PLCB1: variants seen among roughly 807,000 people sequenced by gnomAD.
PLCB1 encodes the protein 1-phosphatidylinositol 4,5-bisphosphate phosphodiesterase beta-1.
PLCB1 carries 46 observed loss-of-function variants against 161.8 expected under a neutral mutation model. That is an observed-to-expected ratio of 0.28 (90% CI 0.22 to 0.36). The LOEUF (loss-of-function observed/expected upper bound fraction) is 0.36. Ranked by LOEUF, PLCB1 falls within the 10% of genes least tolerant of loss-of-function variation. PLCB1 has a pLI of 1.00. For synonymous variants in PLCB1, 517 were observed against 503.7 expected (o/e 1.03, Z -0.35); for missense variants, 1,016 against 1,472.5 (o/e 0.69, Z 5.07).
intron 2 of PLCB1, among the ~76,000 whole-genome samples, chr20:8,283,543 TTATAA>T (rs1330351311): frequency 2.7e-5 from 4 of 146,508 alleles, no homozygotes; most frequent in Non-Finnish European, 4.5e-5. Context: ...TATCATATAC[TTATAA>T]TAAATAAATA....
Position 8,722,358 on chromosome 20 carries a change from A to G in PLCB1, c.1518A>G (p.Glu506=). ...MFEPSSPGAG[E]ADTESDDDDD... Reference sequence around the variant, plus strand: ...TCTGTTATTAAAATTTGACAGGAGAAGCTGATACGGAAAGTGACGACGACG... The same window carrying G: ...TCTGTTATTAAAATTTGACAGGAGAGGCTGATACGGAAAGTGACGACGACG... Residue 506 remains glutamate, a synonymous_variant, in exon 15 of 32, where the codon GAA becomes GAG. Transcript: ENST00000338037. 1 of 1,610,826 alleles carries G rather than the reference A, an allele frequency of 6.2e-7. No homozygotes were observed. Among genetic ancestry groups the G allele is most frequent in the Non-Finnish European group, 8.5e-7 (1 of 1,178,420 alleles).
chr20:8,682,914 T>C (rs949849439), intron 9 of PLCB1, among the ~76,000 whole-genome samples: 2 of 152,120 alleles, frequency 1.3e-5, no homozygotes, highest in African/African-American at 4.8e-5. Context: ...ATTAAGTATT[T>C]ATACAAAGAT....
In PLCB1 at chr20:8,727,667, C is replaced by T. The variant is rs183025392; in HGVS notation, c.1763+274C>T. ...CTTTAGGCAATTTGCTTAATCCTGACTTTCCTTGTCTATAAAGCAGAAATA... is the reference window on the plus strand; with the variant it reads ...CTTTAGGCAATTTGCTTAATCCTGATTTTCCTTGTCTATAAAGCAGAAATA... On this transcript the variant is annotated intron_variant, in intron 17 of 31. Transcript: ENST00000338037. Among the ~76,000 whole-genome samples, 5 of 152,200 alleles carry T rather than the reference C, an allele frequency of 3.3e-5. No individual in the cohort carries two copies. The East Asian group carries it at 9.7e-4, about 29-fold the overall frequency.
At chr20:8,539,625 T>TTTCTTTCTTTCTTTCTTTCTTTCTTTCC (rs1985201099) in intron 3 of PLCB1, among the ~76,000 whole-genome samples, 2 of 70,722 alleles carry the variant, frequency 2.8e-5, no homozygotes, top group African/African-American at 1.3e-4. Context: ...ATTTTCTTTC[T>TTTCTTTCTTTCTTTCTTTCTTTCTTTCC]TTCTTTCTTT....
At chr20:8,627,661 A>G (rs1003282184) in intron 3 of PLCB1, among the ~76,000 whole-genome samples, 9 of 152,218 alleles carry the variant, frequency 5.9e-5, no homozygotes, top group African/African-American at 2.2e-4. Context: ...TACATCTCCA[A>G]AGGATTTCCA....
rs1985945746 is a variant in PLCB1, at chr20:8,556,142, C to T, written c.247-72152C>T. Among the ~76,000 whole-genome samples the T allele has an allele frequency of 3.9e-5, 6 of 152,136 alleles. No individual in the cohort carries two copies. In the South Asian group the frequency reaches 1.2e-3, roughly 32 times the overall value. ...TTCCCATCCTGGCTAACACCCTCCT[C>T]AGCATGGCAGCAGTAGGAAAGATGG... On this transcript the variant is annotated intron_variant, in intron 3 of 31. Transcript: ENST00000338037.
intron 2 of PLCB1, among the ~76,000 whole-genome samples, chr20:8,196,614 CCTT>C (rs1223055955): frequency 6.6e-6 from 1 of 150,914 alleles, no homozygotes; most frequent in East Asian, 1.9e-4. Flanking sequence ...GTCAAGTACT[CCTT>C]CTGTCTAACA....
intron 18 of PLCB1, chr20:8,732,178 A>C (rs902586697): frequency 1.3e-5 from 2 of 152,130 alleles, no homozygotes; most frequent in Non-Finnish European, 2.9e-5. Context: ...ATTGTAAGTA[A>C]TCACAGAAGT....
At chr20:8,250,560 T>G (rs1339099022) in intron 2 of PLCB1, among the ~76,000 whole-genome samples, 1 of 151,860 alleles carries the variant, frequency 6.6e-6, no homozygotes, top group East Asian at 1.9e-4. Context: ...AAAAAATCCC[T>G]TAATCCACAG....
intron 3 of PLCB1, among the ~76,000 whole-genome samples, chr20:8,620,747 C>CAAAAAAAAAAAAAAAAAAAAAAA (rs779029928): frequency 4.0e-5 from 3 of 75,244 alleles, no homozygotes; most frequent in Non-Finnish European, 7.9e-5. Flanking sequence ...CTGCCCCCAC[C>CAAAAAAAAAAAAAAAAAAAAAAA]AAAAAAAAAA....
intron 2 of PLCB1, among the ~76,000 whole-genome samples, chr20:8,354,050 T>C (rs1986279987): frequency 6.6e-6 from 1 of 150,658 alleles, no homozygotes; most frequent in African/African-American, 2.4e-5. Flanking sequence ...GCTAAACATA[T>C]AATCGTGGTG....
At chr20:8,819,210 G>C (rs534835211) in intron 31 of PLCB1, among the ~76,000 whole-genome samples, 1 of 152,114 alleles carries the variant, frequency 6.6e-6, no homozygotes, top group African/African-American at 2.4e-5. Flanking sequence ...ATGAATAAGC[G>C]CACACTGATG....
chr20:8,749,985 T>G (rs1474665195), intron 23 of PLCB1, among the ~76,000 whole-genome samples: 1 of 152,136 alleles, frequency 6.6e-6, no homozygotes, highest in Non-Finnish European at 1.5e-5. Flanking sequence ...CAACTATGTG[T>G]CAGTCACTCT....
intron 2 of PLCB1, among the ~76,000 whole-genome samples, chr20:8,264,018 A>T (rs1465864024): frequency 1.3e-5 from 2 of 152,234 alleles, no homozygotes; most frequent in Non-Finnish European, 2.9e-5. Context: ...ATAAACTTTT[A>T]AATTATTTAA....
chr20:8,818,655 A>T (rs759956102), intron 31 of PLCB1, among the ~76,000 whole-genome samples: 1 of 152,222 alleles, frequency 6.6e-6, no homozygotes, highest in Admixed American at 6.5e-5. Context: ...ATATAACATC[A>T]TAACAAGTAA....
intron 3 of PLCB1, among the ~76,000 whole-genome samples, chr20:8,509,778 A>C (rs868199887): frequency 7.8e-6 from 1 of 127,502 alleles, no homozygotes; most frequent in Non-Finnish European, 1.7e-5. Context: ...AGATAGATAG[A>C]TAGATAGCAT....
At chr20:8,443,104 C>T (rs1249604959) in intron 3 of PLCB1, among the ~76,000 whole-genome samples, 10 of 151,754 alleles carry the variant, frequency 6.6e-5, no homozygotes, top group East Asian at 1.9e-4. Flanking sequence ...CTCACCTTCT[C>T]GAGTAGCTGG....
At chr20:8,261,699 T>C (rs1042839125) in intron 2 of PLCB1, among the ~76,000 whole-genome samples, 1 of 152,186 alleles carries the variant, frequency 6.6e-6, no homozygotes, top group African/African-American at 2.4e-5. Context: ...TGATATCTCC[T>C]GAGTCTTGCC....
At chr20:8,805,741 A>G (rs992462666) in intron 31 of PLCB1, among the ~76,000 whole-genome samples, 4 of 152,210 alleles carry the variant, frequency 2.6e-5, no homozygotes, top group African/African-American at 4.8e-5. Flanking sequence ...TGGACACACC[A>G]TGTGTCCTTC....
Sources: allele counts gnomAD v4.1 joint callset (sites outside exome capture counted in the v4.1 genomes callset), GRCh38; gene constraint gnomAD v4.1.1; transcripts MANE v1.5; gene names NCBI Gene and HGNC (gene_info 2026-07-23, HGNC 2026-07-21).